STAG2: variants seen among roughly 807,000 people sequenced by gnomAD.
The protein encoded by STAG2 is cohesin subunit SA-2.
A neutral mutation model predicts 108.1 loss-of-function variants in STAG2; 14 were observed. That is an observed-to-expected ratio of 0.13 (90% CI 0.09 to 0.20). The LOEUF is 0.20. Ranked by LOEUF, STAG2 falls within the 10% of genes least tolerant of loss-of-function variation. The pLI, the probability that STAG2 is intolerant of heterozygous loss-of-function variation, is 1.00. For synonymous variants in STAG2, 307 were observed against 302.7 expected, an observed-to-expected ratio of 1.01 and a Z score of -0.15; for missense variants, 440 against 940.9, an observed-to-expected ratio of 0.47 and a Z score of 6.96.
intron 1 of STAG2, among the ~76,000 whole-genome samples, chrX:123,977,866 G>T: frequency 1.2e-5 from 1 of 80,162 alleles, no homozygotes; most frequent in Non-Finnish European, 2.4e-5. Context: ...TTTTGAGATA[G>T]GGTCTCATTC....
At chrX:124,078,165 A>C (rs2058847882) in intron 27 of STAG2, 107 bp downstream of exon 27, 2 of 535,534 alleles carry the variant, frequency 3.7e-6, no homozygotes, top group African/African-American at 4.9e-5. Flanking sequence ...CAATTTATAA[A>C]AGTAGAAATA....
intron 29 of STAG2, among the ~76,000 whole-genome samples, chrX:124,083,911 C>G (rs1014137209): frequency 8.9e-6 from 1 of 111,736 alleles, no homozygotes; most frequent in Non-Finnish European, 1.9e-5. Context: ...GCAGGAACCA[C>G]TGCCTGGCTG....
intron 25 of STAG2, among the ~76,000 whole-genome samples, chrX:124,071,593 A>G (rs1158797823): frequency 8.9e-6 from 1 of 111,750 alleles, no homozygotes; most frequent in East Asian, 2.8e-4. Flanking sequence ...ACTGTTAAAA[A>G]TTGAGTCAAA....
In STAG2 at chrX:123,963,707, T is replaced by C. The variant is rs562624896; in HGVS notation, c.-163+1851T>C. ...TTTCATCACATTTCCCTATTTGTCT[T>C]TTTAGGTATAATTTTAAATATGCCC... On this transcript the variant is annotated intron_variant, in intron 1 of 34. Transcript: ENST00000371145. Among the ~76,000 whole-genome samples the C allele has an allele frequency of 9.9e-5, 11 of 111,211 alleles. No individual in the cohort carries two copies. In the South Asian group the frequency reaches 3.4e-3, roughly 34 times the overall value.
chrX:123,974,645 C>G (rs1205484963), intron 1 of STAG2, among the ~76,000 whole-genome samples: 1 of 99,248 alleles, frequency 1.0e-5, no homozygotes, highest in Non-Finnish European at 2.0e-5. Flanking sequence ...GTGGCGTGAT[C>G]TCGGCTCACT....
At chrX:124,049,183 T>G (rs748059549) in intron 10 of STAG2, 105 bp downstream of exon 10, 2 of 621,500 alleles carry the variant, frequency 3.2e-6, no homozygotes, top group East Asian at 7.2e-5. Context: ...AAGAATGTTA[T>G]AGTAAAATCA....
At chrX:124,098,803 A>G (rs1283863141) in intron 34 of STAG2, among the ~76,000 whole-genome samples, 2 of 111,966 alleles carry the variant, frequency 1.8e-5, no homozygotes, top group African/African-American at 3.2e-5. Flanking sequence ...TGATTTTCAC[A>G]TTATCCAGGA....
At chrX:123,961,947 G>A (rs1468135787) in intron 1 of STAG2, 91 bp downstream of exon 1, 1 of 112,956 alleles carries the variant, frequency 8.9e-6, no homozygotes, top group African/African-American at 3.2e-5. Flanking sequence ...AGGGGGCCCT[G>A]CCTGCCTGGC....
chrX:124,080,027 G>A (rs907997893), intron 27 of STAG2, among the ~76,000 whole-genome samples: 4 of 109,325 alleles, frequency 3.7e-5, no homozygotes, highest in Non-Finnish European at 7.6e-5. Flanking sequence ...TGTACTTAAC[G>A]GTATACAGCA....
chrX:124,067,565 C>T (rs1187783586), intron 23 of STAG2, among the ~76,000 whole-genome samples: 1 of 111,195 alleles, frequency 9.0e-6, no homozygotes, highest in Non-Finnish European at 1.9e-5. Flanking sequence ...GTGCCCTGCC[C>T]ATTGTGTGCT....
At position 124,018,729 on chromosome X, in the gene STAG2, G is replaced by T. The variant is rs775436134; in HGVS notation, c.-162-2638G>T. ...TTGTCCAGGCTGGTCTCGAACTCCT[G>T]GGTTTAAGCCATTCTCCAACCTCAT... On this transcript the variant is annotated intron_variant, in intron 1 of 34. Coordinates refer to ENST00000371145, the MANE Select transcript of STAG2 (RefSeq NM_001042750.2). Among the ~76,000 whole-genome samples, 4 of 110,911 alleles carry T rather than the reference G, an allele frequency of 3.6e-5. No homozygotes were observed. The South Asian group carries it at 1.5e-3, about 42-fold the overall frequency.
At position 124,072,907 on chromosome X, in the gene STAG2, T is replaced by TCTTTC. The variant is rs1377266139; in HGVS notation, c.2533+1584_2533+1585insCTTTC. Among the ~76,000 whole-genome samples, 5 of 70,644 alleles carry TCTTTC rather than the reference T, an allele frequency of 7.1e-5. No individual in the cohort carries two copies. The East Asian group carries it at 2.2e-3, about 32-fold the overall frequency. The allele number at this position is 70,644 out of a possible 115,157, so 61.3% of individuals were successfully genotyped here. A position where few individuals can be genotyped will look rare whatever the true frequency, so the allele number is the denominator to read the frequency against. ...TTCTTTCTTTCTTTCTTTCTTTCTT[T>TCTTTC]TTTTTTTTTTTTTTTTTAGTAGAGA... On this transcript the variant is annotated intron_variant, in intron 25 of 34. Coordinates refer to ENST00000371145, the MANE Select transcript of STAG2 (RefSeq NM_001042750.2).
chrX:124,004,141 A>C (rs1444104617), intron 1 of STAG2, among the ~76,000 whole-genome samples: 1 of 111,815 alleles, frequency 8.9e-6, no homozygotes, highest in Non-Finnish European at 1.9e-5. Flanking sequence ...ATTTATTGGC[A>C]TTTGACCTAG....
chrX:124,042,238 A>G (rs2057742005), intron 6 of STAG2, among the ~76,000 whole-genome samples: 1 of 111,411 alleles, frequency 9.0e-6, no homozygotes, highest in South Asian at 3.8e-4. Flanking sequence ...TCTTGATAAC[A>G]TATGGTTTAT....
chrX:124,090,597 C>G lies in STAG2; in HGVS notation c.3300C>G (p.Asp1100Glu), dbSNP rs1360875392. Residue 1100 changes from aspartate (D) to glutamate (E), a missense_variant, in exon 31 of 35, where the codon GAC becomes GAG. Asp to Glu is a conservative substitution (Grantham distance 45). Coordinates refer to ENST00000371145, the MANE Select transcript of STAG2 (RefSeq NM_001042750.2). ...CAGCTGAAGAAAGTAGTAGTAGTGA[C>G]AGTATGTGGTTAAGCAGAGAACAAA... ...LSLTEESSSSDSMWLSREQTL... is the reference protein window; with the variant it reads ...LSLTEESSSSESMWLSREQTL... 1 of 1,205,824 alleles carries G rather than the reference C, an allele frequency of 8.3e-7. No homozygotes were observed. Among genetic ancestry groups the G allele is most frequent in the East Asian group, 3.0e-5 (1 of 33,762 alleles).
intron 4 of STAG2, among the ~76,000 whole-genome samples, chrX:124,029,712 A>G (rs958026293): frequency 8.9e-6 from 1 of 112,425 alleles, no homozygotes; most frequent in African/African-American, 3.2e-5. Context: ...CTTTACAGAA[A>G]GTTGGCCAAC....
chrX:124,064,083 C>A, intron 20 of STAG2, 32 bp downstream of exon 20: 1 of 1,070,514 alleles, frequency 9.3e-7, no homozygotes, highest in South Asian at 2.1e-5. Context: ...AGTATTTTGT[C>A]AGTTGAGCCC....
At chrX:123,965,434 G>GCGGTC (rs1305601922) in intron 1 of STAG2, among the ~76,000 whole-genome samples, 2 of 111,475 alleles carry the variant, frequency 1.8e-5, no homozygotes, top group African/African-American at 6.5e-5. Flanking sequence ...ATTGACTTCT[G>GCGGTC]CGGTCACCTG....
chrX:124,062,967 C>T lies in STAG2; in HGVS notation c.1704C>T (p.Ala568=), dbSNP rs778962833. The T allele has an allele frequency of 4.4e-5, 53 of 1,209,037 alleles. No homozygotes were observed. The highest frequency in any genetic ancestry group is 2.3e-4 in the Middle Eastern group (1 of 4,350). ...GGACAAAAATCACTGAGCTTTTTGCCGTGGCCCTTCCTCAGTTATTAGCAA... is the reference window on the plus strand; with the variant it reads ...GGACAAAAATCACTGAGCTTTTTGCTGTGGCCCTTCCTCAGTTATTAGCAA... The part of the protein sequence containing the change: ...DDRTKITELF[A]VALPQLLAKY... The change falls in exon 18 of 35, where the codon GCC becomes GCT. Residue 568 remains alanine (A), a synonymous_variant. Coordinates refer to ENST00000371145, the MANE Select transcript of STAG2 (RefSeq NM_001042750.2).
Sources: gnomAD v4.1 joint callset for allele counts (sites outside exome capture counted in the v4.1 genomes callset) on GRCh38, gnomAD v4.1.1 for gene constraint, MANE v1.5 for transcripts, NCBI Gene and HGNC (gene_info 2026-07-23, HGNC 2026-07-21) for gene names.